The following SPICE1 variants were observed in gnomAD, a reference collection of about 807,000 sequenced individuals.
The protein encoded by SPICE1 is spindle and centriole-associated protein 1.
A neutral mutation model predicts 102.7 loss-of-function variants in SPICE1; 75 were observed. The observed-to-expected ratio is 0.73, with a 90% CI of 0.61 to 0.88. SPICE1 has a LOEUF of 0.88. Ranked by LOEUF, SPICE1 falls within the 40% of genes least tolerant of loss-of-function variation. The probability of loss-of-function intolerance (pLI) is 0.00; values close to 1 mark genes in which losing one functional copy is unlikely to be tolerated. For synonymous variants in SPICE1, 308 were observed against 350.3 expected (o/e 0.88, Z 1.35); for missense variants, 979 against 1,020.1 (o/e 0.96, Z 0.55).
At chr3:113,450,149 G>A in intron 15 of SPICE1, 187 bp downstream of exon 15, 1 of 612,658 alleles carries the variant, frequency 1.6e-6, no homozygotes, top group South Asian at 2.0e-5. Flanking sequence ...GAAATAATCA[G>A]GAGATCTGCC....
At position 113,511,153 on chromosome 3, in the gene SPICE1, C is replaced by T. The variant is rs184106974; in HGVS notation, c.-1+3744G>A. Among the ~76,000 whole-genome samples, 1,203 of 152,338 alleles carry T rather than the reference C, an allele frequency of 7.9e-3. 6 individuals are homozygous for T. Among genetic ancestry groups the T allele is most frequent in the Middle Eastern group, 0.017 (5 of 294 alleles). ...GTGGAGAAATAGGAACAATTTTACACTGTTGGTGGAAATGCAAATTAGTTC... is the reference window on the plus strand; with the variant it reads ...GTGGAGAAATAGGAACAATTTTACATTGTTGGTGGAAATGCAAATTAGTTC... On this transcript the variant is annotated intron_variant, in intron 1 of 17. Transcript: ENST00000295872.
intron 13 of SPICE1, among the ~76,000 whole-genome samples, chr3:113,454,679 G>A (rs1046530246): frequency 4.0e-5 from 6 of 151,798 alleles, no homozygotes; most frequent in Non-Finnish European, 7.4e-5. Context: ...TTGCACCATT[G>A]CACTCCAGCC....
intron 6 of SPICE1, among the ~76,000 whole-genome samples, chr3:113,490,086 C>T (rs1451938021): frequency 1.3e-5 from 2 of 152,062 alleles, no homozygotes; most frequent in South Asian, 4.1e-4. Flanking sequence ...TTGGTACAAA[C>T]GTTACTCACA....
chr3:113,499,985 A>G (rs1375311975), intron 3 of SPICE1, among the ~76,000 whole-genome samples: 2 of 152,140 alleles, frequency 1.3e-5, no homozygotes, highest in Non-Finnish European at 2.9e-5. Context: ...AGCACAATGT[A>G]AAAGGTACAA....
At chr3:113,458,451 T>C (rs1207311131) in intron 12 of SPICE1, among the ~76,000 whole-genome samples, 1 of 152,180 alleles carries the variant, frequency 6.6e-6, no homozygotes, top group Non-Finnish European at 1.5e-5. Flanking sequence ...TGACCGCGAG[T>C]GATCTGCCAG....
At chr3:113,507,885 C>T (rs1354696911) in intron 1 of SPICE1, among the ~76,000 whole-genome samples, 1 of 152,028 alleles carries the variant, frequency 6.6e-6, no homozygotes, top group Admixed American at 6.5e-5. Context: ...AAAAGTTAAC[C>T]AACCATGAAG....
At chr3:113,475,449 C>T (rs1010202261) in intron 7 of SPICE1, among the ~76,000 whole-genome samples, 4 of 151,912 alleles carry the variant, frequency 2.6e-5, no homozygotes, top group African/African-American at 7.3e-5. Flanking sequence ...CCAGCATCAT[C>T]CTGATACCAA....
chr3:113,504,119 C>T (rs1002946800), intron 2 of SPICE1, among the ~76,000 whole-genome samples: 1 of 151,944 alleles, frequency 6.6e-6, no homozygotes, highest in Non-Finnish European at 1.5e-5. Context: ...GGGCTACCAC[C>T]CTGCACAACT....
intron 1 of SPICE1, among the ~76,000 whole-genome samples, chr3:113,514,048 C>T (rs1475785311): frequency 6.6e-6 from 1 of 152,200 alleles, no homozygotes; most frequent in Non-Finnish European, 1.5e-5. Flanking sequence ...AAAATGTTTG[C>T]ACTGAGAGCT....
At chr3:113,492,553 A>G (rs1290180789) in intron 6 of SPICE1, among the ~76,000 whole-genome samples, 1 of 152,300 alleles carries the variant, frequency 6.6e-6, no homozygotes, top group East Asian at 1.9e-4. Context: ...TAGTTGATAC[A>G]TTGCAAGTTT....
At chr3:113,475,607 C>G (rs922358784) in intron 7 of SPICE1, among the ~76,000 whole-genome samples, 2 of 152,092 alleles carry the variant, frequency 1.3e-5, no homozygotes, top group Non-Finnish European at 2.9e-5. Context: ...GGCTTCATCC[C>G]TGGGATGCAA....
intron 15 of SPICE1, 67 bp downstream of exon 15, chr3:113,450,269 C>T: frequency 6.3e-7 from 1 of 1,594,410 alleles, no homozygotes; most frequent in Non-Finnish European, 8.6e-7. Context: ...TTAATATAAA[C>T]TTGCAAAATC....
At position 113,483,839 on chromosome 3, in the gene SPICE1, T is replaced by A. The variant is rs190054897; in HGVS notation, c.611+5106A>T. Among the ~76,000 whole-genome samples the A allele has an allele frequency of 3.2e-3, 494 of 152,252 alleles. 5 individuals carry two copies. The highest frequency in any genetic ancestry group is 2.8e-3 in the Non-Finnish European group (189 of 68,012). ...TCAGGGATATTGGCCTGAAATTTTC[T>A]TTTTTTGTTGTGTCTCTGCCAGGAT... On this transcript the variant is annotated intron_variant, in intron 7 of 17. Transcript: ENST00000295872.
chr3:113,494,298 G>C (rs978710336), intron 4 of SPICE1, among the ~76,000 whole-genome samples, 156 bp from the exon 5 acceptor site: 3 of 152,110 alleles, frequency 2.0e-5, no homozygotes, highest in Non-Finnish European at 4.4e-5. Context: ...CCAGTAGATG[G>C]GGCTAAGACA....
At chr3:113,450,578 G>C in intron 14 of SPICE1, 62 bp from the exon 15 acceptor site, 2 of 1,426,796 alleles carry the variant, frequency 1.4e-6, no homozygotes, top group Non-Finnish European at 1.9e-6. Flanking sequence ...TCTCTCCCAC[G>C]ATTTTTTTTT....
chr3:113,463,446 C>T (rs1185008516), intron 11 of SPICE1, among the ~76,000 whole-genome samples: 1 of 152,060 alleles, frequency 6.6e-6, no homozygotes, highest in Non-Finnish European at 1.5e-5. Context: ...AACATATGTT[C>T]TGCAAAAATA....
chr3:113,460,545 T>A, intron 12 of SPICE1, 72 bp downstream of exon 12: 2 of 1,519,914 alleles, frequency 1.3e-6, no homozygotes, highest in Non-Finnish European at 1.8e-6. Context: ...GTTTAGAGAT[T>A]TAAGGTTTGG....
chr3:113,464,803 C>G (rs1936014527), intron 11 of SPICE1, among the ~76,000 whole-genome samples: 1 of 152,126 alleles, frequency 6.6e-6, no homozygotes, highest in Non-Finnish European at 1.5e-5. Flanking sequence ...AATATCCAGA[C>G]AGTATCAGAA....
At chr3:113,452,783 GC>G (rs1935687457) in intron 14 of SPICE1, among the ~76,000 whole-genome samples, 1 of 152,060 alleles carries the variant, frequency 6.6e-6, no homozygotes, top group Admixed American at 6.6e-5. Context: ...TTCAAGACTA[GC>G]CTGACCAACA....
Sources: gnomAD v4.1 joint callset for allele counts (sites outside exome capture counted in the v4.1 genomes callset) on GRCh38, gnomAD v4.1.1 for gene constraint, MANE v1.5 for transcripts, NCBI Gene and HGNC (gene_info 2026-07-23, HGNC 2026-07-21) for gene names.